SWAP70: variants seen among roughly 807,000 people sequenced by gnomAD.
SWAP70 encodes switch-associated protein 70.
A neutral mutation model predicts 80.2 loss-of-function variants in SWAP70; 34 were observed. The ratio of observed to expected loss-of-function variants is 0.42; its 90% CI spans 0.32 to 0.56. SWAP70 has a LOEUF of 0.56. SWAP70 is among the 20% of genes least tolerant of loss of function. The probability of loss-of-function intolerance (pLI) is 0.09; values close to 1 mark genes in which losing one functional copy is unlikely to be tolerated. For missense variants in SWAP70, 578 were observed against 690.7 expected (o/e 0.84, Z 1.83); for synonymous variants, 239 against 238.5 (o/e 1.00, Z -0.02).
intron 2 of SWAP70, among the ~76,000 whole-genome samples, chr11:9,711,685 C>G (rs1851000655): frequency 6.6e-6 from 1 of 152,164 alleles, no homozygotes; most frequent in Admixed American, 6.5e-5. Context: ...GCAGTGGTGT[C>G]TTCACCAGAC....
intron 1 of SWAP70, among the ~76,000 whole-genome samples, chr11:9,672,097 A>G (rs1850421154): frequency 7.8e-6 from 1 of 129,022 alleles, no homozygotes; most frequent in Admixed American, 8.9e-5. Flanking sequence ...ATTTAAATAT[A>G]ATTATAATAT....
intron 9 of SWAP70, chr11:9,741,671 C>G (rs931183985): frequency 6.6e-6 from 1 of 152,094 alleles, no homozygotes; most frequent in African/African-American, 2.4e-5. Context: ...GACTAGATCA[C>G]AGAGGGAACC....
chr11:9,745,022 A>G (rs1851494000), intron 9 of SWAP70, among the ~76,000 whole-genome samples: 1 of 152,192 alleles, frequency 6.6e-6, no homozygotes, highest in Non-Finnish European at 1.5e-5. Flanking sequence ...TCGTGTCTGT[A>G]TTCCCAGCAA....
chr11:9,670,022 G>T (rs1354485196), intron 1 of SWAP70, among the ~76,000 whole-genome samples: 1 of 152,172 alleles, frequency 6.6e-6, no homozygotes, highest in Admixed American at 6.5e-5. Flanking sequence ...CAGCTACTTG[G>T]GAGCTGAGGC....
chr11:9,730,500 A>G (rs1448708582), intron 6 of SWAP70, among the ~76,000 whole-genome samples: 1 of 152,204 alleles, frequency 6.6e-6, no homozygotes, highest in Non-Finnish European at 1.5e-5. Context: ...TGCACACACT[A>G]CAACTGTTGG....
At chr11:9,675,168 G>T (rs989565473) in intron 1 of SWAP70, among the ~76,000 whole-genome samples, 1 of 151,896 alleles carries the variant, frequency 6.6e-6, no homozygotes, top group Non-Finnish European at 1.5e-5. Flanking sequence ...CACGCCTGTA[G>T]TCCAAGTTCC....
Position 9,724,901 on chromosome 11 carries a change from C to T in SWAP70, c.642+16C>T. The T allele has an allele frequency of 6.7e-7, 1 of 1,484,518 alleles. No homozygotes were observed. The highest frequency in any genetic ancestry group is 2.3e-5 in the East Asian group (1 of 43,534). 92.0% of individuals were successfully genotyped at this position (1,484,518 alleles called of 1,614,324 possible). A position where few individuals can be genotyped will look rare whatever the true frequency, so the allele number is the denominator to read the frequency against. ...GTTAAAGCAGGTAAGAATTCTGTTA[C>T]TGTTTTTTTTTCTCATCTTTAGAAT... On this transcript the variant is annotated intron_variant, in intron 4 of 11. Transcript: ENST00000318950.
At chr11:9,748,078 A>G (rs1389431009) in intron 10 of SWAP70, 22 bp downstream of exon 10, 1 of 1,602,692 alleles carries the variant, frequency 6.2e-7, no homozygotes. Flanking sequence ...TGGCCCTGCA[A>G]ACTTGTATAT....
chr11:9,743,104 G>C (rs1206459704), intron 9 of SWAP70, among the ~76,000 whole-genome samples: 2 of 135,400 alleles, frequency 1.5e-5, no homozygotes, highest in African/African-American at 2.8e-5. Flanking sequence ...CTGTGTCCAA[G>C]TGTTCTCATT....
intron 1 of SWAP70, among the ~76,000 whole-genome samples, chr11:9,671,357 T>TAAATA (rs1205188956): frequency 9.4e-6 from 1 of 106,868 alleles, no homozygotes; most frequent in Non-Finnish European, 1.7e-5. Context: ...TATAAATATA[T>TAAATA]AAATAAAATA....
intron 2 of SWAP70, among the ~76,000 whole-genome samples, chr11:9,695,152 C>T (rs1054084516): frequency 2.6e-5 from 4 of 151,838 alleles, no homozygotes; most frequent in African/African-American, 9.7e-5. Flanking sequence ...ATTTTTAGTA[C>T]GTGTGGTGGC....
chr11:9,683,660 C>T (rs543780549), intron 1 of SWAP70, among the ~76,000 whole-genome samples: 1 of 152,278 alleles, frequency 6.6e-6, no homozygotes, highest in South Asian at 2.1e-4. Context: ...AACTGTCAAA[C>T]CATCATATGG....
At chr11:9,740,113 G>A in intron 8 of SWAP70, 68 bp from the exon 9 acceptor site, 3 of 1,495,578 alleles carry the variant, frequency 2.0e-6, no homozygotes, top group Non-Finnish European at 2.7e-6. Flanking sequence ...AACCCCTCAG[G>A]TGGAGGTGAG....
rs1006314740 is a variant in SWAP70 at position 9,751,358 on chromosome 11, T to A, written c.*1388T>A. The A allele has an allele frequency of 1.3e-5, 2 of 152,236 alleles. No homozygotes were observed. The highest frequency in any genetic ancestry group is 1.3e-4 in the Admixed American group (2 of 15,288). 9.4% of individuals were successfully genotyped at this position (152,236 alleles called of 1,614,324 possible). ...ATTTGAAAGGAGTATTGAGGAAGGTTTTCATATATGATCTATCTTTGGATT... is the reference window on the plus strand; with the variant it reads ...ATTTGAAAGGAGTATTGAGGAAGGTATTCATATATGATCTATCTTTGGATT... On this transcript the variant is annotated 3_prime_UTR_variant, in exon 12 of 12. Coordinates refer to ENST00000318950, the MANE Select transcript of SWAP70 (RefSeq NM_015055.4).
chr11:9,747,873 G>A lies in SWAP70; in HGVS notation c.1371G>A (p.Glu457=). The A allele has an allele frequency of 6.2e-7, 1 of 1,614,208 alleles. No homozygotes were observed. The highest frequency in any genetic ancestry group is 1.1e-5 in the South Asian group (1 of 91,086). Residue 457 remains glutamate (E), a synonymous_variant, in exon 10 of 12, where the codon GAG becomes GAA. Coordinates refer to ENST00000318950, the MANE Select transcript of SWAP70 (RefSeq NM_015055.4). ...RKLQARLLEE[E]SSKRAELEKW... is the part of the protein sequence containing the mutation. ...CACATTGTAGGTTGTTGGAGGAAGA[G>A]TCTTCCAAGAGGGCTGAACTAGAAA...
chr11:9,674,446 TCCCAG>T (rs1464983243), intron 1 of SWAP70, among the ~76,000 whole-genome samples: 1 of 152,012 alleles, frequency 6.6e-6, no homozygotes, highest in South Asian at 2.1e-4. Flanking sequence ...ATGACTATAA[TCCCAG>T]AACTTTGGAA....
Position 9,729,397 on chromosome 11 carries a change from A to G in SWAP70, c.844A>G (p.Lys282Glu). The change falls in exon 6 of 12, where the codon AAG (lysine) becomes GAG (glutamate). Residue 282 changes from lysine (K) to glutamate (E), a missense_variant. Coordinates refer to ENST00000318950, the MANE Select transcript of SWAP70 (RefSeq NM_015055.4). ...KCLFLVKCFD[K>E]TFEISASDKK... ...CCTTTTTCTCGTAAAATGTTTTGAT[A>G]AGACTTTTGAAATCAGTGCTTCAGA... 1 of 1,613,960 alleles carries G rather than the reference A, an allele frequency of 6.2e-7. No individual in the cohort carries two copies. Among genetic ancestry groups the G allele is most frequent in the Non-Finnish European group, 8.5e-7 (1 of 1,179,906 alleles).
chr11:9,749,126 A>G lies in SWAP70; in HGVS notation c.1594A>G (p.Lys532Glu). The change falls in exon 11 of 12, where the codon AAG becomes GAG. Residue 532 changes from lysine (K) to glutamate (E), a missense_variant. By Grantham distance (56) the Lys-to-Glu change is moderately conservative (BLOSUM62 1). Coordinates refer to ENST00000318950, the MANE Select transcript of SWAP70 (RefSeq NM_015055.4). Reference protein sequence around the residue: ...KKLEMATNKTKSWKDKVAHHE... With the variant: ...KKLEMATNKTESWKDKVAHHE... ...GCTGGAGATGGCAACTAATAAGACC[A>G]AGAGCTGGAAGGACAAAGTGGCCCA... The G allele has an allele frequency of 1.2e-6, 2 of 1,613,302 alleles. No individual in the cohort carries two copies. Among genetic ancestry groups the G allele is most frequent in the Non-Finnish European group, 1.7e-6 (2 of 1,179,488 alleles).
intron 6 of SWAP70, among the ~76,000 whole-genome samples, chr11:9,732,113 T>C (rs1299865366): frequency 1.3e-5 from 2 of 152,226 alleles, no homozygotes; most frequent in Non-Finnish European, 1.5e-5. Flanking sequence ...TTTGAATCTC[T>C]GTCCTTACTG....
Sources: gnomAD v4.1 joint callset for allele counts (sites outside exome capture counted in the v4.1 genomes callset) on GRCh38, gnomAD v4.1.1 for gene constraint, MANE v1.5 for transcripts, NCBI Gene and HGNC (gene_info 2026-07-23, HGNC 2026-07-21) for gene names.